The following ATP1B3 variants were observed in gnomAD, a reference collection of about 807,000 sequenced individuals.
The protein encoded by ATP1B3 is ATPase Na+/K+ transporting subunit beta 3.
Under a neutral mutation model 30.2 loss-of-function variants are expected in ATP1B3, and 10 were observed. That is an observed-to-expected ratio of 0.33 (90% confidence interval 0.20 to 0.56). The LOEUF is 0.56. Among genes scored for constraint, ATP1B3 ranks in the 20% least tolerant of loss-of-function variants. The pLI is 0.90. For synonymous variants in ATP1B3, 113 were observed against 117.0 expected, an observed-to-expected ratio of 0.97 and a Z score of 0.22; for missense variants, 238 against 336.7, an observed-to-expected ratio of 0.71 and a Z score of 2.29.
At chr3:141,904,623 T>TACAGGAG (rs1934229817) in intron 2 of ATP1B3, among the ~76,000 whole-genome samples, 1 of 151,884 alleles carries the variant, frequency 6.6e-6, no homozygotes, top group South Asian at 2.1e-4. Context: ...AAATTCATTA[T>TACAGGAG]ACAGGAGAAT....
chr3:141,889,533 C>T (rs1207393030), intron 1 of ATP1B3, among the ~76,000 whole-genome samples: 10 of 151,304 alleles, frequency 6.6e-5, no homozygotes, highest in African/African-American at 2.4e-4. Context: ...AGTTCAAGAC[C>T]GCCTGGCCAA....
chr3:141,922,545 C>T (rs2107780497), intron 6 of ATP1B3, among the ~76,000 whole-genome samples: 1 of 151,934 alleles, frequency 6.6e-6, no homozygotes, highest in Admixed American at 6.6e-5. Flanking sequence ...CCCAGCTACT[C>T]GGGAGGCTGA....
At chr3:141,921,096 G>A (rs547567434) in intron 5 of ATP1B3, among the ~76,000 whole-genome samples, 10 of 152,124 alleles carry the variant, frequency 6.6e-5, no homozygotes, top group South Asian at 4.1e-4. Flanking sequence ...TAAAATTCAA[G>A]TATTTAATAA....
chr3:141,877,831 C>CTTT (rs56245712), intron 1 of ATP1B3, among the ~76,000 whole-genome samples: 5,356 of 140,174 alleles, frequency 0.038, 345 homozygotes, highest in African/African-American at 0.13. Flanking sequence ...CAGGCTAGAG[C>CTTT]TTTTTTTTTT....
chr3:141,920,090 A>G (rs1010181746), intron 5 of ATP1B3, among the ~76,000 whole-genome samples: 2 of 152,222 alleles, frequency 1.3e-5, no homozygotes, highest in African/African-American at 4.8e-5. Flanking sequence ...AAGATTAAGA[A>G]AAATCCTGCC....
intron 3 of ATP1B3, among the ~76,000 whole-genome samples, chr3:141,913,374 G>A (rs1432638814): frequency 6.6e-6 from 1 of 152,132 alleles, no homozygotes; most frequent in African/African-American, 2.4e-5. Flanking sequence ...AAGGCATTCA[G>A]ATAATGCTTT....
In ATP1B3 at chr3:141,876,825, C is replaced by T; in HGVS notation, c.24C>T (p.Ser8=). The T allele has an allele frequency of 6.3e-7, 1 of 1,589,026 alleles. No homozygotes were observed. Among genetic ancestry groups the T allele is most frequent in the African/African-American group, 1.4e-5 (1 of 72,072 alleles). Reference sequence around the variant, plus strand: ...CCATGACGAAGAACGAGAAGAAGTCCCTCAACCAGAGCCTGGCCGAGTGGA... The same window carrying T: ...CCATGACGAAGAACGAGAAGAAGTCTCTCAACCAGAGCCTGGCCGAGTGGA... The part of the protein sequence containing the change: MTKNEKK[S]LNQSLAEWKL... The change falls in exon 1 of 7, where the codon TCC becomes TCT. Residue 8 remains serine (S), a synonymous_variant. Transcript: ENST00000286371.
chr3:141,888,711 A>G (rs186903789), intron 1 of ATP1B3, among the ~76,000 whole-genome samples: 1 of 152,206 alleles, frequency 6.6e-6, no homozygotes, highest in East Asian at 1.9e-4. Flanking sequence ...TAATTGAATC[A>G]TGGGGGCAGG....
At chr3:141,895,409 C>CT (rs1216798352) in intron 1 of ATP1B3, among the ~76,000 whole-genome samples, 2 of 151,994 alleles carry the variant, frequency 1.3e-5, no homozygotes, top group African/African-American at 4.8e-5. Context: ...AGGCTGGTCT[C>CT]TAACTCCTGA....
At chr3:141,910,677 A>T (rs1313297187) in intron 3 of ATP1B3, among the ~76,000 whole-genome samples, 1 of 151,838 alleles carries the variant, frequency 6.6e-6, no homozygotes, top group Non-Finnish European at 1.5e-5. Context: ...GCTGCACTCT[A>T]CTGTTTCTAC....
At chr3:141,914,582 T>G (rs1408264405) in intron 4 of ATP1B3, among the ~76,000 whole-genome samples, 4 of 152,206 alleles carry the variant, frequency 2.6e-5, no homozygotes, top group Non-Finnish European at 5.9e-5. Context: ...TGTGTTCTGA[T>G]GCGCTTACTG....
chr3:141,888,663 A>C (rs975051191), intron 1 of ATP1B3, among the ~76,000 whole-genome samples: 1 of 152,136 alleles, frequency 6.6e-6, no homozygotes, highest in Non-Finnish European at 1.5e-5. Flanking sequence ...TGTAGCTCCC[A>C]TAATCCCCAC....
Position 141,876,644 on chromosome 3 carries a change from G to C in ATP1B3, c.-158G>C. On this transcript the variant is annotated 5_prime_UTR_variant, in exon 1 of 7. Coordinates refer to ENST00000286371, the MANE Select transcript of ATP1B3 (RefSeq NM_001679.4). ...CGGCCGCCCGGCGCGGCGCGGCGCAGTCGGCTCGAGTACTCCCCGTAACGA... is the reference window on the plus strand; with the variant it reads ...CGGCCGCCCGGCGCGGCGCGGCGCACTCGGCTCGAGTACTCCCCGTAACGA... The C allele has an allele frequency of 2.5e-6, 1 of 401,374 alleles. No homozygotes were observed. Among genetic ancestry groups the C allele is most frequent in the South Asian group, 3.1e-5 (1 of 32,400 alleles). The allele number at this position is 401,374 out of a possible 1,614,324, so 24.9% of individuals were successfully genotyped here.
intron 3 of ATP1B3, among the ~76,000 whole-genome samples, chr3:141,910,016 C>G (rs760709956): frequency 3.9e-5 from 6 of 152,162 alleles, no homozygotes; most frequent in South Asian, 2.1e-4. Flanking sequence ...TGGGGTCTCT[C>G]TCTGTCACCC....
intron 1 of ATP1B3, among the ~76,000 whole-genome samples, chr3:141,889,390 CTG>C (rs1413745467): frequency 6.6e-6 from 1 of 151,880 alleles, no homozygotes; most frequent in African/African-American, 2.4e-5. Context: ...CTAGGATAAA[CTG>C]AGAAATGGAA....
rs184804637 is a variant in ATP1B3, at chr3:141,885,682, A to G, written c.109+8772A>G. 2.0e-5 allele frequency among the ~76,000 whole-genome samples: 3 copies of G among 152,226 alleles called. No individual in the cohort carries two copies. The East Asian group carries it at 5.8e-4, about 29-fold the overall frequency. On this transcript the variant is annotated intron_variant, in intron 1 of 6. Coordinates refer to ENST00000286371, the MANE Select transcript of ATP1B3 (RefSeq NM_001679.4). ...AGGCTGATCTCGAACTCTTGACCTC[A>G]GGTGATCTGTCTGCCTCAGCCTCCC...
chr3:141,907,022 A>G, intron 2 of ATP1B3, 145 bp from the exon 3 acceptor site: 1 of 486,886 alleles, frequency 2.1e-6, no homozygotes. Flanking sequence ...ATGCCTTCAT[A>G]ATTAGAATTG....
At chr3:141,911,595 A>T (rs915423934) in intron 3 of ATP1B3, among the ~76,000 whole-genome samples, 1 of 151,626 alleles carries the variant, frequency 6.6e-6, no homozygotes, top group South Asian at 2.1e-4. Flanking sequence ...CCTGGGTTCA[A>T]GCGACCCTCA....
At chr3:141,885,224 A>T (rs576424465) in intron 1 of ATP1B3, among the ~76,000 whole-genome samples, 1 of 152,244 alleles carries the variant, frequency 6.6e-6, no homozygotes, top group South Asian at 2.1e-4. Flanking sequence ...CCATATCCCC[A>T]TTACTAGTAC....
Sources: gnomAD v4.1 joint callset for allele counts (sites outside exome capture counted in the v4.1 genomes callset) on GRCh38, gnomAD v4.1.1 for gene constraint, MANE v1.5 for transcripts, NCBI Gene and HGNC (gene_info 2026-07-23, HGNC 2026-07-21) for gene names.